Variants in CDH15 observed in about 807,000 individuals in gnomAD.
CDH15 encodes the protein cadherin-15.
CDH15 carries 73 observed loss-of-function variants against 69.4 expected under a neutral mutation model. The ratio of observed to expected loss-of-function variants is 1.05; its 90% CI spans 0.87 to 1.28. CDH15 has a LOEUF of 1.28. Among genes scored for constraint, CDH15 ranks in the 50% most tolerant of loss-of-function variants. The pLI, the probability that CDH15 is intolerant of heterozygous loss-of-function variation, is 0.00. For synonymous variants in CDH15, 624 were observed against 507.7 expected, an observed-to-expected ratio of 1.23 and a Z score of -3.08; for missense variants, 1,343 against 1,133.6, an observed-to-expected ratio of 1.18 and a Z score of -2.65.
intron 1 of CDH15, among the ~76,000 whole-genome samples, chr16:89,173,870 C>G (rs1915206170): frequency 6.6e-6 from 1 of 152,232 alleles, no homozygotes; most frequent in Admixed American, 6.5e-5. Flanking sequence ...CCTGGGACCC[C>G]ACCCCAGCTG....
chr16:89,173,687 G>A (rs1038011316), intron 1 of CDH15, among the ~76,000 whole-genome samples: 12 of 152,206 alleles, frequency 7.9e-5, no homozygotes, highest in Non-Finnish European at 1.3e-4. Flanking sequence ...CTCCTGGTGA[G>A]CCCCCAGGCA....
chr16:89,191,984 G>A (rs1915657693), intron 10 of CDH15, 90 bp downstream of exon 10: 1 of 1,328,094 alleles, frequency 7.5e-7, no homozygotes, highest in African/African-American at 1.4e-5. Context: ...AGGGTGAGGG[G>A]CATGCAAACC....
chr16:89,194,084 G>A (rs965484307), intron 13 of CDH15, among the ~76,000 whole-genome samples, 171 bp downstream of exon 13: 6 of 152,234 alleles, frequency 3.9e-5, no homozygotes, highest in East Asian at 1.9e-4. Flanking sequence ...TGGAAGCCCC[G>A]CTGCCACCGT....
chr16:89,182,842 C>G (rs1421940728), intron 3 of CDH15: 2 of 152,088 alleles, frequency 1.3e-5, no homozygotes, highest in African/African-American at 4.8e-5. Context: ...TGCCCATTCT[C>G]CGAAAGGATG....
chr16:89,183,886 A>G (rs186365418), intron 4 of CDH15, among the ~76,000 whole-genome samples, 194 bp downstream of exon 4: 1 of 152,246 alleles, frequency 6.6e-6, no homozygotes, highest in African/African-American at 2.4e-5. Context: ...AAACCCAAAA[A>G]TCTGAGCCTG....
At chr16:89,190,983 G>A (rs1405790869) in intron 8 of CDH15, among the ~76,000 whole-genome samples, 1 of 151,504 alleles carries the variant, frequency 6.6e-6, no homozygotes, top group Non-Finnish European at 1.5e-5. Context: ...TATTCACATG[G>A]GTTGTGTGTA....
intron 3 of CDH15, among the ~76,000 whole-genome samples, chr16:89,181,126 G>A (rs1915369336): frequency 6.6e-6 from 1 of 152,034 alleles, no homozygotes; most frequent in South Asian, 2.1e-4. Context: ...CCACCACCGT[G>A]CCCAGTTAAT....
chr16:89,179,334 C>T, intron 1 of CDH15, 82 bp from the exon 2 acceptor site: 1 of 1,547,600 alleles, frequency 6.5e-7, no homozygotes, highest in Non-Finnish European at 8.9e-7. Flanking sequence ...GTGGCCTCCT[C>T]ACCACCCACA....
Position 89,191,422 on chromosome 16 carries a change from C to A in CDH15, c.1325C>A (p.Pro442His). ...CAGCACGTGCTCAGCCCGGCGTCCC[C>A]CTTCCTCAAGGGCGGCTGGTACAGA... ...QTQHVLSPASPFLKGGWYRAI... is the reference protein window; with the variant it reads ...QTQHVLSPASHFLKGGWYRAI... Residue 442 changes from proline to histidine, a missense_variant, in exon 9 of 14, where the codon CCC becomes CAC. Physicochemically the swap from Pro to His is moderately conservative, Grantham distance 77. Coordinates refer to ENST00000289746, the MANE Select transcript of CDH15 (RefSeq NM_004933.3). 6.2e-7 allele frequency: 1 copy of A among 1,612,774 alleles called. No individual in the cohort carries two copies. Among genetic ancestry groups the A allele is most frequent in the Non-Finnish European group, 8.5e-7 (1 of 1,179,996 alleles).
intron 5 of CDH15, chr16:89,185,928 C>G (rs1041556594): frequency 9.4e-5 from 16 of 170,148 alleles, no homozygotes; most frequent in African/African-American, 3.9e-4. Flanking sequence ...AACGCTTATC[C>G]AGCACACAGT....
chr16:89,193,528 G>A lies in CDH15; in HGVS notation c.1914G>A (p.Gly638=), dbSNP rs1360355866. The A allele has an allele frequency of 6.8e-6, 11 of 1,611,976 alleles. No homozygotes were observed. The highest frequency in any genetic ancestry group is 9.3e-6 in the Non-Finnish European group (11 of 1,179,740). ...ARFWKQSRGK[G]LLHGPQDDLR... is the part of the protein sequence containing the mutation. ...TCTGGAAGCAGTCTCGGGGCAAGGG[G>A]CTGCTGCACGGCCCCCAGGACGACC... The change falls in exon 12 of 14, where the codon GGG becomes GGA. Residue 638 remains glycine (G), a synonymous_variant. Transcript: ENST00000289746.
chr16:89,175,769 C>T (rs998458057), intron 1 of CDH15, among the ~76,000 whole-genome samples: 1 of 152,206 alleles, frequency 6.6e-6, no homozygotes, highest in African/African-American at 2.4e-5. Context: ...AGAGCTTCCC[C>T]GGCAGGGTCC....
At position 89,173,949 on chromosome 16, in the gene CDH15, A is replaced by G. The variant is rs112200673; in HGVS notation, c.42+2076A>G. On this transcript the variant is annotated intron_variant, in intron 1 of 13. Transcript: ENST00000289746. ...ACCCCAGCCTGCTGGGAAGGTCCCC[A>G]CTTCTGCATCTGGGTTTTGGGAGCC... 4.8e-3 allele frequency among the ~76,000 whole-genome samples: 737 copies of G among 152,258 alleles called. 7 individuals are homozygous for G. Among genetic ancestry groups the G allele is most frequent in the African/African-American group, 0.016 (676 of 41,556 alleles).
Position 89,190,330 on chromosome 16 carries a change from G to T in CDH15, c.1066G>T (p.Glu356Ter). 6.2e-7 allele frequency: 1 copy of T among 1,612,446 alleles called. No homozygotes were observed. Among genetic ancestry groups the T allele is most frequent in the Non-Finnish European group, 8.5e-7 (1 of 1,179,832 alleles). ...GCTGCAGGCGGCTGCCCTTAGGGCT[G>T]AGCGGGGCCAGGCCAAGGTCCGCGT... ...APLQAAALRA[E>*]RGQAKVRVHV... The change falls in exon 8 of 14, where the codon GAG becomes TAG. Residue 356 changes from glutamate (E) to a stop codon, truncating the protein, a stop_gained. Coordinates refer to ENST00000289746, the MANE Select transcript of CDH15 (RefSeq NM_004933.3). LOFTEE classifies it high-confidence loss of function.
Position 89,187,547 on chromosome 16 carries a change from C to A in CDH15, c.782C>A (p.Thr261Asn), listed in dbSNP as rs587780301. 1 of 1,613,460 alleles carries A rather than the reference C, an allele frequency of 6.2e-7. No homozygotes were observed. Among genetic ancestry groups the A allele is most frequent in the Non-Finnish European group, 8.5e-7 (1 of 1,180,040 alleles). ...ATCAATGACAATGCCCCCGAGTTCA[C>A]CAGGGATGAGGTGCTGCTGCTGTCC... ...DDINDNAPEF[T>N]RDEFFMEAIE... The change falls in exon 6 of 14, where the codon ACC becomes AAC. Residue 261 changes from threonine (T) to asparagine (N), a missense_variant. Thr to Asn is a moderately conservative substitution (Grantham distance 65, BLOSUM62 0). Coordinates refer to ENST00000289746, the MANE Select transcript of CDH15 (RefSeq NM_004933.3).
chr16:89,184,377 C>G (rs1467001617), intron 4 of CDH15, among the ~76,000 whole-genome samples: 1 of 152,322 alleles, frequency 6.6e-6, no homozygotes, highest in East Asian at 1.9e-4. Context: ...CCCACCCCAC[C>G]TCGGTGGCTA....
At chr16:89,176,143 C>T (rs1915250823) in intron 1 of CDH15, among the ~76,000 whole-genome samples, 1 of 152,266 alleles carries the variant, frequency 6.6e-6, no homozygotes, top group African/African-American at 2.4e-5. Context: ...CCTGGCCATG[C>T]CAACATCTCC....
chr16:89,172,009 T>C lies in CDH15; in HGVS notation c.42+136T>C, dbSNP rs1038840853. ...TTTGGGGGCCTGTGAGCGGAGTGGCTCCGGGTGGGTCCCTGGGCTGGGGGC... is the reference window on the plus strand; with the variant it reads ...TTTGGGGGCCTGTGAGCGGAGTGGCCCCGGGTGGGTCCCTGGGCTGGGGGC... On this transcript the variant is annotated intron_variant, in intron 1 of 13. Transcript: ENST00000289746. 1.3e-4 allele frequency: 111 copies of C among 858,526 alleles called. No homozygotes were observed. The African/African-American group carries it at 1.5e-3, about 12-fold the overall frequency. The allele number at this position is 858,526 out of a possible 1,614,324, so 53.2% of individuals were successfully genotyped here.
At chr16:89,191,497 C>T (rs373286056) in intron 9 of CDH15, 25 bp downstream of exon 9, 7 of 1,610,276 alleles carry the variant, frequency 4.3e-6, no homozygotes, top group African/African-American at 1.3e-5. Flanking sequence ...CGGCTTGGGG[C>T]TCCCTGACCT....
Sources: allele counts gnomAD v4.1 joint callset (sites outside exome capture counted in the v4.1 genomes callset), GRCh38; gene constraint gnomAD v4.1.1; transcripts MANE v1.5; gene names NCBI Gene and HGNC (gene_info 2026-07-23, HGNC 2026-07-21).